Variants in ANKRD6 observed in about 807,000 individuals in gnomAD.
The protein encoded by ANKRD6 is ankyrin repeat domain 6, also known as ankyrin repeat domain-containing protein 6.
Under a neutral mutation model 82.3 loss-of-function variants are expected in ANKRD6, and 56 were observed. That is an observed-to-expected ratio of 0.68 (90% CI 0.55 to 0.85). The LOEUF is 0.85. ANKRD6 is among the 40% of genes least tolerant of loss of function. ANKRD6 has a pLI of 0.00. For synonymous variants in ANKRD6, 347 were observed against 352.1 expected (o/e 0.99, Z 0.16); for missense variants, 852 against 907.6 (o/e 0.94, Z 0.79).
intron 13 of ANKRD6, among the ~76,000 whole-genome samples, chr6:89,625,094 C>A (rs1393530074): frequency 6.6e-6 from 1 of 152,026 alleles, no homozygotes; most frequent in Admixed American, 6.5e-5. Context: ...ACCAGCCTGG[C>A]CAACATGGTG....
intron 1 of ANKRD6, among the ~76,000 whole-genome samples, chr6:89,468,023 A>G (rs1311267615): frequency 6.6e-6 from 1 of 150,608 alleles, no homozygotes; most frequent in African/African-American, 2.5e-5. Flanking sequence ...TTTACCACCT[A>G]AAGTTGCCCA....
At chr6:89,607,436 G>A (rs748324788) in intron 5 of ANKRD6, among the ~76,000 whole-genome samples, 2 of 152,090 alleles carry the variant, frequency 1.3e-5, no homozygotes, top group African/African-American at 4.8e-5. Flanking sequence ...GCTTTCCACT[G>A]TTAAAGAACA....
rs187291222 is a variant in ANKRD6, at chr6:89,456,685, T to G, written c.-144+23310T>G. Among the ~76,000 whole-genome samples the G allele has an allele frequency of 2.4e-3, 359 of 152,346 alleles. 1 individual carries two copies. Among genetic ancestry groups the G allele is most frequent in the African/African-American group, 8.4e-3 (348 of 41,568 alleles). On this transcript the variant is annotated intron_variant, in intron 1 of 15. Transcript: ENST00000339746. ...TCCATACCTTTCTTTTCTTTATTAC[T>G]TGTCTATCAAAATAGCTAGGCTGTT...
chr6:89,623,175 A>G lies in ANKRD6; in HGVS notation c.898-235A>G, dbSNP rs192754226. On this transcript the variant is annotated intron_variant, in intron 10 of 15. Coordinates refer to ENST00000339746, the MANE Select transcript of ANKRD6 (RefSeq NM_001242809.2). ...AACATCGAATTGGACCCAGGAATAT[A>G]TTTAGCTTAGGACCTAATAAATACA... is the stretch of plus-strand genomic sequence containing the variant. Among the ~76,000 whole-genome samples the G allele has an allele frequency of 7.3e-3, 1,107 of 152,258 alleles. 4 individuals carry two copies. Among genetic ancestry groups the G allele is most frequent in the Non-Finnish European group, 0.013 (864 of 68,000 alleles).
At chr6:89,574,926 C>T (rs952855104) in intron 2 of ANKRD6, among the ~76,000 whole-genome samples, 1 of 152,094 alleles carries the variant, frequency 6.6e-6, no homozygotes, top group African/African-American at 2.4e-5. Flanking sequence ...CATACAGGAG[C>T]CTTCAGAATG....
At chr6:89,437,778 A>G (rs1449154601) in intron 1 of ANKRD6, among the ~76,000 whole-genome samples, 1 of 152,222 alleles carries the variant, frequency 6.6e-6, no homozygotes, top group Non-Finnish European at 1.5e-5. Flanking sequence ...GTCTCTACTC[A>G]TTCAGACTGG....
At chr6:89,624,782 C>A in intron 13 of ANKRD6, 91 bp downstream of exon 13, 1 of 1,425,782 alleles carries the variant, frequency 7.0e-7, no homozygotes, top group Non-Finnish European at 9.4e-7. Context: ...ACCCTTCCAC[C>A]CTGGGAGTGT....
intron 2 of ANKRD6, among the ~76,000 whole-genome samples, chr6:89,589,713 T>G (rs189058821): frequency 6.6e-6 from 1 of 152,252 alleles, no homozygotes; most frequent in African/African-American, 2.4e-5. Context: ...GCAGCAGTTA[T>G]GCTGGAGTTA....
chr6:89,501,610 C>T (rs1429102723), intron 1 of ANKRD6, among the ~76,000 whole-genome samples: 1 of 152,174 alleles, frequency 6.6e-6, no homozygotes, highest in Non-Finnish European at 1.5e-5. Flanking sequence ...TAGCAAGTTG[C>T]CTGTTGATTG....
At chr6:89,567,129 C>T (rs1297396928) in intron 2 of ANKRD6, 33 bp downstream of exon 2, 1 of 1,558,094 alleles carries the variant, frequency 6.4e-7, no homozygotes. Flanking sequence ...TAGCCATTCC[C>T]TGGGAACTGG....
At chr6:89,451,614 C>T (rs1239117701) in intron 1 of ANKRD6, among the ~76,000 whole-genome samples, 2 of 152,112 alleles carry the variant, frequency 1.3e-5, no homozygotes, top group Non-Finnish European at 2.9e-5. Context: ...ATACCAAAAC[C>T]CAGTTTTGCC....
At chr6:89,612,763 AATGCCCCATGCCCAGC>A (rs1198693624) in intron 6 of ANKRD6, among the ~76,000 whole-genome samples, 1 of 152,202 alleles carries the variant, frequency 6.6e-6, no homozygotes, top group South Asian at 2.1e-4. Flanking sequence ...GAGGTCCTCT[AATGCCCCATGCCCAGC>A]ATCTATAGCG....
intron 5 of ANKRD6, among the ~76,000 whole-genome samples, chr6:89,611,212 G>GGAATCT (rs1262950590): frequency 1.3e-5 from 2 of 151,490 alleles, no homozygotes; most frequent in African/African-American, 4.9e-5. Flanking sequence ...TAAAAGATCA[G>GGAATCT]GAATCTGATA....
intron 1 of ANKRD6, among the ~76,000 whole-genome samples, chr6:89,465,583 A>C (rs368357146): frequency 7.9e-5 from 12 of 152,196 alleles, no homozygotes; most frequent in South Asian, 4.2e-4. Flanking sequence ...GGAATAGGCT[A>C]GGTGTGGTGG....
intron 5 of ANKRD6, among the ~76,000 whole-genome samples, chr6:89,610,920 C>T (rs2128214058): frequency 6.6e-6 from 1 of 152,070 alleles, no homozygotes; most frequent in South Asian, 2.1e-4. Context: ...ATGCTGGATA[C>T]CCATCCCCAA....
intron 1 of ANKRD6, among the ~76,000 whole-genome samples, chr6:89,469,709 G>A (rs189085427): frequency 6.6e-6 from 1 of 152,178 alleles, no homozygotes; most frequent in Admixed American, 6.5e-5. Context: ...TAGTTCCCGT[G>A]TCACTCGTCT....
intron 1 of ANKRD6, among the ~76,000 whole-genome samples, chr6:89,464,534 G>A (rs947819321): frequency 2.6e-5 from 4 of 152,152 alleles, no homozygotes; most frequent in African/African-American, 9.7e-5. Context: ...ATGATACACA[G>A]GAAAAGATTC....
Position 89,617,064 on chromosome 6 carries a change from C to T in ANKRD6, c.714+407C>T, listed in dbSNP as rs145833260. 2.6e-3 allele frequency: 1,004 copies of T among 393,582 alleles called. 2 individuals carry two copies. The highest frequency in any genetic ancestry group is 0.022 in the Middle Eastern group (59 of 2,732). 24.4% of individuals were successfully genotyped at this position (393,582 alleles called of 1,614,324 possible). A position where few individuals can be genotyped will look rare whatever the true frequency, so the allele number is the denominator to read the frequency against. On this transcript the variant is annotated intron_variant, in intron 8 of 15. Coordinates refer to ENST00000339746, the MANE Select transcript of ANKRD6 (RefSeq NM_001242809.2). Reference sequence around the variant, plus strand: ...GCAACTCCTTTCTCTTCCACTTTGCCTGACCTCACTGTTTCCCTTTCCCTC... The same window carrying T: ...GCAACTCCTTTCTCTTCCACTTTGCTTGACCTCACTGTTTCCCTTTCCCTC...
At chr6:89,578,337 T>C (rs1174956126) in intron 2 of ANKRD6, among the ~76,000 whole-genome samples, 1 of 125,178 alleles carries the variant, frequency 8.0e-6, no homozygotes, top group Non-Finnish European at 1.6e-5. Flanking sequence ...ACTCTTTTGC[T>C]TAGGCTGTAG....
Sources: allele counts gnomAD v4.1 joint callset (sites outside exome capture counted in the v4.1 genomes callset), GRCh38; gene constraint gnomAD v4.1.1; transcripts MANE v1.5; gene names NCBI Gene and HGNC (gene_info 2026-07-23, HGNC 2026-07-21).